Variants in NCOR1 observed in about 807,000 individuals in gnomAD.
NCOR1 encodes the protein nuclear receptor corepressor 1.
A neutral mutation model predicts 288.1 loss-of-function variants in NCOR1; 63 were observed. The ratio of observed to expected loss-of-function variants is 0.22; its 90% CI spans 0.18 to 0.27. The LOEUF (loss-of-function observed/expected upper bound fraction) is 0.27. NCOR1 is among the 10% of genes least tolerant of loss of function. The probability of loss-of-function intolerance (pLI) is 1.00; values close to 1 mark genes in which losing one functional copy is unlikely to be tolerated. For missense variants in NCOR1, 2,397 were observed against 3,019.2 expected, an observed-to-expected ratio of 0.79 and a Z score of 4.83; for synonymous variants, 1,007 against 1,065.9, an observed-to-expected ratio of 0.94 and a Z score of 1.08.
At chr17:16,065,112 G>C in intron 33 of NCOR1, 93 bp from the exon 34 acceptor site, 1 of 1,162,498 alleles carries the variant, frequency 8.6e-7, no homozygotes, top group Non-Finnish European at 1.2e-6. Flanking sequence ...TGTGAATCAA[G>C]GGTAATTTGT....
intron 40 of NCOR1, among the ~76,000 whole-genome samples, chr17:16,052,253 T>C (rs901081023): frequency 4.6e-5 from 7 of 151,958 alleles, no homozygotes; most frequent in Admixed American, 2.0e-4. Context: ...CTCGATCTCC[T>C]GACCTCGTGA....
At chr17:16,038,555 G>A (rs1187980405) in intron 44 of NCOR1, among the ~76,000 whole-genome samples, 5 of 151,440 alleles carry the variant, frequency 3.3e-5, no homozygotes, top group Admixed American at 3.3e-4. Flanking sequence ...TCCCACCTCG[G>A]CCCCCACAAG....
intron 19 of NCOR1, among the ~76,000 whole-genome samples, chr17:16,108,522 A>C (rs1391165456): frequency 6.6e-6 from 1 of 152,256 alleles, no homozygotes; most frequent in Non-Finnish European, 1.5e-5. Flanking sequence ...GCAATGACAC[A>C]GACACACAGG....
intron 1 of NCOR1, among the ~76,000 whole-genome samples, chr17:16,211,667 A>G (rs2092139992): frequency 6.6e-6 from 1 of 152,126 alleles, no homozygotes; most frequent in Non-Finnish European, 1.5e-5. Context: ...ACAGTCTCAG[A>G]CTTTCAAATG....
intron 2 of NCOR1, among the ~76,000 whole-genome samples, chr17:16,191,511 T>C (rs1285910990): frequency 6.6e-6 from 1 of 151,724 alleles, no homozygotes; most frequent in African/African-American, 2.4e-5. Context: ...TGTCACTGGA[T>C]AAAATTAACA....
intron 10 of NCOR1, among the ~76,000 whole-genome samples, chr17:16,145,807 T>C (rs2077883239): frequency 6.6e-6 from 1 of 152,102 alleles, no homozygotes; most frequent in Non-Finnish European, 1.5e-5. Context: ...GCCCAACAGC[T>C]CATTGAGAGC....
chr17:16,170,635 G>A (rs892131475), intron 4 of NCOR1, among the ~76,000 whole-genome samples: 2 of 152,114 alleles, frequency 1.3e-5, no homozygotes, highest in Admixed American at 6.5e-5. Context: ...GAGTTCAAGA[G>A]ACCAGCCTGG....
intron 10 of NCOR1, among the ~76,000 whole-genome samples, chr17:16,144,187 A>C (rs1197985950): frequency 6.6e-6 from 1 of 152,262 alleles, no homozygotes; most frequent in East Asian, 1.9e-4. Flanking sequence ...AAGTAAAACA[A>C]ATCAGAATCT....
intron 29 of NCOR1, 92 bp downstream of exon 29, chr17:16,072,053 T>C (rs931482069): frequency 8.0e-6 from 8 of 1,000,926 alleles, no homozygotes; most frequent in African/African-American, 6.5e-5. Flanking sequence ...GGAAAATAAC[T>C]TGAAAAGCAG....
At chr17:16,206,511 G>A (rs184610128) in intron 1 of NCOR1, among the ~76,000 whole-genome samples, 158 of 152,184 alleles carry the variant, frequency 1.0e-3, no homozygotes, top group African/African-American at 3.3e-3. Context: ...TCAGCCTCCC[G>A]AGTAGCTGGG....
chr17:16,054,445 C>T (rs149215954), intron 40 of NCOR1, among the ~76,000 whole-genome samples: 22 of 152,166 alleles, frequency 1.4e-4, no homozygotes, highest in Admixed American at 1.2e-3. Context: ...TGATGTGGGA[C>T]AATCACCTGA....
intron 1 of NCOR1, among the ~76,000 whole-genome samples, chr17:16,205,930 T>G (rs544111174): frequency 2.3e-4 from 32 of 141,732 alleles, no homozygotes; most frequent in Non-Finnish European, 4.4e-4. Context: ...AGAGCGATAC[T>G]CCGTCTCAAA....
rs1434823254 is a variant in NCOR1, at chr17:16,165,037, C to T, written c.560G>A (p.Arg187His). 2 of 1,604,666 alleles carry T rather than the reference C, an allele frequency of 1.2e-6. No homozygotes were observed. The highest frequency in any genetic ancestry group is 1.7e-6 in the Non-Finnish European group (2 of 1,177,114). ...TACTTTTGCAATTTCTCGATCTACACGATCCATACTCTGTATTAACTCTTC... is the reference window on the plus strand; with the variant it reads ...TACTTTTGCAATTTCTCGATCTACATGATCCATACTCTGTATTAACTCTTC... Reference protein sequence around the residue: ...SKEELIQSMDRVDREIAKVEQ... With the variant: ...SKEELIQSMDHVDREIAKVEQ... Residue 187 changes from arginine to histidine, a missense_variant, in exon 5 of 46, where the codon CGT becomes CAT. Arg to His is a conservative substitution (Grantham distance 29, BLOSUM62 0). Around this residue, in one of 11 missense-constraint regions of NCOR1, gnomAD observed 5 missense variants for 32.6 expected, o/e 0.15. Coordinates refer to ENST00000268712, the MANE Select transcript of NCOR1 (RefSeq NM_006311.4).
At chr17:16,131,814 C>T (rs2075685282) in intron 14 of NCOR1, among the ~76,000 whole-genome samples, 1 of 152,196 alleles carries the variant, frequency 6.6e-6, no homozygotes, top group African/African-American at 2.4e-5. Context: ...ATAACAGTGG[C>T]TACCATTTAT....
Position 16,064,963 on chromosome 17 carries a change from T to A in NCOR1, c.5008A>T (p.Thr1670Ser), listed in dbSNP as rs150634298. 6.2e-7 allele frequency: 1 copy of A among 1,613,834 alleles called. No homozygotes were observed. Among genetic ancestry groups the A allele is most frequent in the East Asian group, 2.2e-5 (1 of 44,880 alleles). Reference protein sequence around the residue: ...PTILVPHPGGTSTPPMDRITY... With the variant: ...PTILVPHPGGSSTPPMDRITY... ...ATTCTGTCCATGGGAGGAGTGCTTG[T>A]TCCCCCTGGATGAGGCACTAAAATT... Residue 1670 changes from threonine (T) to serine (S), a missense_variant, in exon 34 of 46, where the codon ACA becomes TCA. By Grantham distance (58) the Thr-to-Ser change is moderately conservative. Transcript: ENST00000268712.
intron 40 of NCOR1, among the ~76,000 whole-genome samples, chr17:16,055,115 G>A (rs556338697): frequency 6.6e-6 from 1 of 152,304 alleles, no homozygotes; most frequent in East Asian, 1.9e-4. Flanking sequence ...AGACACTGTG[G>A]AAATTCCTCA....
intron 21 of NCOR1, among the ~76,000 whole-genome samples, chr17:16,092,863 T>A (rs2065663751): frequency 6.7e-6 from 1 of 150,206 alleles, no homozygotes; most frequent in Non-Finnish European, 1.5e-5. Context: ...CACACCCAAC[T>A]AATTTTTCTA....
At chr17:16,154,415 T>C (rs1031591721) in intron 6 of NCOR1, among the ~76,000 whole-genome samples, 6 of 152,024 alleles carry the variant, frequency 3.9e-5, no homozygotes, top group African/African-American at 1.5e-4. Flanking sequence ...ACTAAGAAAA[T>C]AATGAATAAG....
At position 16,215,459 on chromosome 17, in the gene NCOR1, G is replaced by A; in HGVS notation, c.-168C>T. 1 of 397,828 alleles carries A rather than the reference G, an allele frequency of 2.5e-6. No individual in the cohort carries two copies. The highest frequency in any genetic ancestry group is 4.4e-6 in the Non-Finnish European group (1 of 225,568). 24.6% of individuals were successfully genotyped at this position (397,828 alleles called of 1,614,324 possible). A position where few individuals can be genotyped will look rare whatever the true frequency, so the allele number is the denominator to read the frequency against. ...CCTACACCGGGACCTCGTTCGGCGC[G>A]GCGAGTCGGACGCTCACTCCAGCCG... On this transcript the variant is annotated 5_prime_UTR_variant, in exon 1 of 46. Transcript: ENST00000268712.
Sources: allele counts gnomAD v4.1 joint callset (sites outside exome capture counted in the v4.1 genomes callset), GRCh38; gene constraint gnomAD v4.1.1; regional missense constraint gnomAD v4.1.1; transcripts MANE v1.5; gene names NCBI Gene and HGNC (gene_info 2026-07-23, HGNC 2026-07-21).